ZZEF1: variants seen among roughly 807,000 people sequenced by gnomAD.
ZZEF1 encodes the protein zinc finger ZZ-type and EF-hand domain-containing protein 1.
ZZEF1 carries 157 observed loss-of-function variants against 342.8 expected under a neutral mutation model. The ratio of observed to expected loss-of-function variants is 0.46; its 90% CI spans 0.40 to 0.52. ZZEF1 has a LOEUF of 0.52. Among genes scored for constraint, ZZEF1 ranks in the 20% least tolerant of loss-of-function variants. ZZEF1 has a pLI of 0.00. For synonymous variants in ZZEF1, 1,505 were observed against 1,429.1 expected (o/e 1.05, Z -1.20); for missense variants, 3,480 against 3,725.6 (o/e 0.93, Z 1.72).
intron 18 of ZZEF1, among the ~76,000 whole-genome samples, chr17:4,079,381 G>C (rs1212974247): frequency 6.6e-6 from 1 of 152,166 alleles, no homozygotes; most frequent in Non-Finnish European, 1.5e-5. Context: ...GTAGAATGTA[G>C]ATGAGCTCCA....
rs1017177840 is a variant in ZZEF1 at position 4,014,764 on chromosome 17, G to C, written c.8146-249C>G. On this transcript the variant is annotated intron_variant, in intron 49 of 54. Coordinates refer to ENST00000381638, the MANE Select transcript of ZZEF1 (RefSeq NM_015113.4). This position sits in a 1 kb window ranked among gnomAD's most constrained non-coding sequence, Gnocchi z 4.4. ...AAAGAGTGTCAGGCTGCTGTGAAGAGTGAAGAGGACAGGAGGACCCTGTTA... is the reference window on the plus strand; with the variant it reads ...AAAGAGTGTCAGGCTGCTGTGAAGACTGAAGAGGACAGGAGGACCCTGTTA... Among the ~76,000 whole-genome samples, 21 of 152,176 alleles carry C rather than the reference G, an allele frequency of 1.4e-4. No homozygotes were observed. The highest frequency in any genetic ancestry group is 5.1e-4 in the African/African-American group (21 of 41,424).
chr17:4,105,014 C>T (rs1310747020), intron 7 of ZZEF1, among the ~76,000 whole-genome samples: 1 of 152,198 alleles, frequency 6.6e-6, no homozygotes, highest in African/African-American at 2.4e-5. Flanking sequence ...GAAAGCCTCA[C>T]TTCTATAATC....
chr17:4,081,290 G>C, intron 18 of ZZEF1, 86 bp downstream of exon 18: 1 of 1,081,068 alleles, frequency 9.3e-7, no homozygotes, highest in Non-Finnish European at 1.4e-6. Context: ...ATACTGCAAA[G>C]AGGCAAAGGG....
At chr17:4,093,382 T>C (rs1368835093) in intron 11 of ZZEF1, among the ~76,000 whole-genome samples, 1 of 152,240 alleles carries the variant, frequency 6.6e-6, no homozygotes, top group Non-Finnish European at 1.5e-5. Context: ...GAAGAGACAT[T>C]ACAAATGTGG....
intron 11 of ZZEF1, among the ~76,000 whole-genome samples, chr17:4,094,717 G>A (rs1346789290): frequency 6.6e-6 from 1 of 152,182 alleles, no homozygotes; most frequent in Non-Finnish European, 1.5e-5. Flanking sequence ...CACTGCCGAT[G>A]AGGCTTTTTT....
At chr17:4,046,335 G>A (rs958006931) in intron 37 of ZZEF1, among the ~76,000 whole-genome samples, 1 of 152,172 alleles carries the variant, frequency 6.6e-6, no homozygotes, top group African/African-American at 2.4e-5. Context: ...GTGACTGTTT[G>A]CACTCCTGGG....
At chr17:4,098,899 T>C (rs1383536868) in intron 9 of ZZEF1, among the ~76,000 whole-genome samples, 1 of 152,214 alleles carries the variant, frequency 6.6e-6, no homozygotes, top group Admixed American at 6.5e-5. Context: ...CCACTAACAG[T>C]AATACTAAGA....
At chr17:4,059,098 T>C (rs2057230033) in intron 31 of ZZEF1, 73 bp downstream of exon 31, 22 of 1,313,474 alleles carry the variant, frequency 1.7e-5, no homozygotes, top group Non-Finnish European at 2.2e-5. Context: ...TTTTTGACAG[T>C]GAACATATAT....
intron 30 of ZZEF1, 65 bp from the exon 31 acceptor site, chr17:4,059,355 T>C: frequency 1.9e-6 from 3 of 1,557,478 alleles, no homozygotes; most frequent in Non-Finnish European, 2.6e-6. Context: ...ATAATAATAA[T>C]GATTTCTTAC....
intron 42 of ZZEF1, among the ~76,000 whole-genome samples, chr17:4,031,208 T>C (rs1311702034): frequency 6.6e-6 from 1 of 151,914 alleles, no homozygotes; most frequent in Admixed American, 6.6e-5. Context: ...CCCAACTACT[T>C]GGAAGGCTGA....
chr17:4,067,640 CTTAT>C (rs976167629), intron 26 of ZZEF1, among the ~76,000 whole-genome samples: 22 of 152,138 alleles, frequency 1.4e-4, no homozygotes, highest in African/African-American at 5.1e-4. Flanking sequence ...ATAAAATGAT[CTTAT>C]TTAAAGAGAG....
rs777279589 is a variant in ZZEF1, at chr17:4,017,461, G to C, written c.7911C>G (p.Ser2637Arg). Reference protein sequence around the residue: ...LAEWPSHVPVSEDILELSGPA... With the variant: ...LAEWPSHVPVREDILELSGPA... ...GGCCACTGAGCTCCAGGATGTCCTC[G>C]CTCACTGGCACGTGGCTAGGCCACT... Residue 2637 changes from serine (S) to arginine (R), a missense_variant, in exon 48 of 55, where the codon AGC (serine) becomes AGG (arginine). By Grantham distance (110) the Ser-to-Arg change is moderately radical. Transcript: ENST00000381638. The surrounding 1 kb of genome is among the most constrained non-coding windows in gnomAD (Gnocchi z 5.1). 2.5e-6 allele frequency: 4 copies of C among 1,614,204 alleles called. No homozygotes were observed. In the South Asian group the frequency reaches 3.3e-5, roughly 13 times the overall value.
chr17:4,114,555 C>T (rs1227336836), intron 3 of ZZEF1, 85 bp from the exon 4 acceptor site: 5 of 1,145,992 alleles, frequency 4.4e-6, no homozygotes, highest in Non-Finnish European at 3.5e-6. Context: ...AACAGAAATA[C>T]GCTTGGTACT....
At chr17:4,102,244 G>T in intron 9 of ZZEF1, 73 bp downstream of exon 9, 1 of 1,355,630 alleles carries the variant, frequency 7.4e-7, no homozygotes, top group Non-Finnish European at 1.0e-6. Context: ...ACATTTCAAA[G>T]TCTGGAGTGT....
intron 37 of ZZEF1, among the ~76,000 whole-genome samples, chr17:4,048,917 A>T (rs2056985549): frequency 1.5e-5 from 2 of 137,632 alleles, no homozygotes; most frequent in South Asian, 4.5e-4. Context: ...ACAGGGTTTC[A>T]CCCTGTTGGC....
chr17:4,008,860 C>A lies in ZZEF1; in HGVS notation c.8805+23G>T. The A allele has an allele frequency of 6.5e-7, 1 of 1,544,692 alleles. No homozygotes were observed. Among genetic ancestry groups the A allele is most frequent in the African/African-American group, 1.4e-5 (1 of 73,258 alleles). The stretch of plus-strand genomic sequence containing the variant: ...GGTGGCGCCCCAGCCTGGGGGCCAG[C>A]TCTGTTGGGGTGGAGAGAGTACCTG... On this transcript the variant is annotated intron_variant, in intron 54 of 54. Coordinates refer to ENST00000381638, the MANE Select transcript of ZZEF1 (RefSeq NM_015113.4). The surrounding 1 kb of genome is among the most constrained non-coding windows in gnomAD (Gnocchi z 4.2).
At chr17:4,116,068 C>T (rs2058388621) in intron 3 of ZZEF1, among the ~76,000 whole-genome samples, 1 of 152,054 alleles carries the variant, frequency 6.6e-6, no homozygotes, top group Admixed American at 6.5e-5. Flanking sequence ...ACCTGTAATC[C>T]CAGCAATTTG....
intron 21 of ZZEF1, 120 bp from the exon 22 acceptor site, chr17:4,075,549 C>G: frequency 8.8e-7 from 1 of 1,138,606 alleles, no homozygotes; most frequent in African/African-American, 1.5e-5. Context: ...CTGCACAAAC[C>G]AGCAGGCAGG....
intron 31 of ZZEF1, 147 bp from the exon 32 acceptor site, chr17:4,058,302 C>T (rs1486602582): frequency 2.0e-5 from 16 of 810,078 alleles, no homozygotes; most frequent in Non-Finnish European, 2.9e-5. Context: ...ATTCCTCATA[C>T]TCCACACAAA....
Sources: gnomAD v4.1 joint callset for allele counts (sites outside exome capture counted in the v4.1 genomes callset) on GRCh38, gnomAD v4.1.1 for gene constraint, Gnocchi (gnomAD v3.1) non-coding constraint, MANE v1.5 for transcripts, NCBI Gene and HGNC (gene_info 2026-07-23, HGNC 2026-07-21) for gene names.